Variants in PRKN observed in about 807,000 individuals in gnomAD.
PRKN encodes the protein parkin RBR E3 ubiquitin protein ligase, also known as E3 ubiquitin-protein ligase parkin.
A neutral mutation model predicts 59.5 loss-of-function variants in PRKN; 56 were observed. That is an observed-to-expected ratio of 0.94 (90% CI 0.76 to 1.18). The LOEUF (loss-of-function observed/expected upper bound fraction) is 1.18, where lower values mean the gene tolerates loss of function less well. Ranked by LOEUF, PRKN falls within the 50% of genes most tolerant of loss-of-function variation. The pLI is 0.00. For synonymous variants in PRKN, 250 were observed against 222.1 expected, an observed-to-expected ratio of 1.13 and a Z score of -1.12; for missense variants, 657 against 596.4, an observed-to-expected ratio of 1.10 and a Z score of -1.06.
At chr6:161,905,928 T>TAAAAA (rs750946937) in intron 6 of PRKN, among the ~76,000 whole-genome samples, 2 of 105,002 alleles carry the variant, frequency 1.9e-5, no homozygotes, top group African/African-American at 3.7e-5. Flanking sequence ...CCACTGCATC[T>TAAAAA]AAAAAAAAAA....
In PRKN at chr6:162,279,363, G is replaced by A. The variant is rs185477458; in HGVS notation, c.172-16598C>T. On this transcript the variant is annotated intron_variant, in intron 2 of 11. Transcript: ENST00000366898. ...AACAAAAAAAAGAAAGAAAGAAAGA[G>A]AGAGAGAGAGAAGGAGAGAGAGGGA... Among the ~76,000 whole-genome samples, 9 of 148,378 alleles carry A rather than the reference G, an allele frequency of 6.1e-5. 1 individual carries two copies. The highest frequency in any genetic ancestry group is 6.0e-4 in the East Asian group (3 of 5,024).
chr6:162,406,809 GA>G (rs1788097608), intron 2 of PRKN, among the ~76,000 whole-genome samples: 1 of 152,078 alleles, frequency 6.6e-6, no homozygotes, highest in African/African-American at 2.4e-5. Context: ...ACCACTTCCT[GA>G]TGGGAAGCTT....
chr6:162,563,547 C>T (rs544879679), intron 1 of PRKN, among the ~76,000 whole-genome samples: 1 of 152,092 alleles, frequency 6.6e-6, no homozygotes, highest in Non-Finnish European at 1.5e-5. Context: ...AGAAAGATGG[C>T]TACAAATAAG....
chr6:161,649,610 T>C (rs183062748), intron 7 of PRKN, among the ~76,000 whole-genome samples: 2 of 152,342 alleles, frequency 1.3e-5, no homozygotes, highest in African/African-American at 2.4e-5. Flanking sequence ...TAAGAGACTT[T>C]TGTGTTTTAT....
intron 2 of PRKN, among the ~76,000 whole-genome samples, chr6:162,442,747 C>T (rs1484280168): frequency 1.3e-5 from 2 of 152,130 alleles, no homozygotes; most frequent in Non-Finnish European, 2.9e-5. Context: ...TGTTGTTGTG[C>T]TCCAGGCTTC....
intron 5 of PRKN, among the ~76,000 whole-genome samples, chr6:161,980,634 G>A (rs913566741): frequency 6.6e-6 from 1 of 152,218 alleles, no homozygotes; most frequent in Admixed American, 6.5e-5. Context: ...GGGCTATCTG[G>A]TTGGGAGTCT....
At chr6:162,223,612 GACACACACACACACACACACACACACAC>G (rs34881644) in intron 3 of PRKN, among the ~76,000 whole-genome samples, 1 of 129,248 alleles carries the variant, frequency 7.7e-6, no homozygotes, top group Non-Finnish European at 1.6e-5. Flanking sequence ...ATAGACACGT[GACACACACACACACACACACACACACAC>G]ACACACACAC....
intron 7 of PRKN, among the ~76,000 whole-genome samples, chr6:161,570,039 C>T (rs1212250830): frequency 6.7e-6 from 1 of 149,064 alleles, no homozygotes; most frequent in East Asian, 2.0e-4. Context: ...GTGCCTATCA[C>T]TTTCTCGTTC....
At chr6:162,359,243 C>A (rs2128133400) in intron 2 of PRKN, among the ~76,000 whole-genome samples, 1 of 151,830 alleles carries the variant, frequency 6.6e-6, no homozygotes, top group East Asian at 1.9e-4. Context: ...TGGGAGGTGA[C>A]TGATTGAATA....
intron 7 of PRKN, among the ~76,000 whole-genome samples, chr6:161,706,559 G>A (rs1282847236): frequency 6.6e-6 from 1 of 151,956 alleles, no homozygotes; most frequent in Non-Finnish European, 1.5e-5. Context: ...GGAGAGAAAA[G>A]CAGCATTGGA....
chr6:161,472,027 C>G (rs186007765), intron 9 of PRKN, among the ~76,000 whole-genome samples: 6 of 151,776 alleles, frequency 4.0e-5, no homozygotes, highest in Admixed American at 3.9e-4. Context: ...TTTGAAAAAC[C>G]TAATCTAGTA....
At chr6:162,438,291 C>T (rs952956980) in intron 2 of PRKN, among the ~76,000 whole-genome samples, 2 of 152,110 alleles carry the variant, frequency 1.3e-5, no homozygotes, top group East Asian at 1.9e-4. Flanking sequence ...AATGCTATAA[C>T]TTTTGCTGCA....
At chr6:162,283,843 C>T (rs1254236328) in intron 2 of PRKN, among the ~76,000 whole-genome samples, 1 of 152,150 alleles carries the variant, frequency 6.6e-6, no homozygotes, top group African/African-American at 2.4e-5. Flanking sequence ...ATCCTGACCC[C>T]TGCTTGATGT....
At chr6:161,777,354 ATTTTAAGCCAG>A (rs1287269664) in intron 7 of PRKN, among the ~76,000 whole-genome samples, 1 of 152,150 alleles carries the variant, frequency 6.6e-6, no homozygotes, top group Non-Finnish European at 1.5e-5. Context: ...CCTGGATGGT[ATTTTAAGCCAG>A]TTTTAATTAT....
At chr6:161,692,529 T>C (rs1785839560) in intron 7 of PRKN, among the ~76,000 whole-genome samples, 1 of 152,196 alleles carries the variant, frequency 6.6e-6, no homozygotes, top group Non-Finnish European at 1.5e-5. Flanking sequence ...ATCTTTGTGA[T>C]GGGAAACTGT....
chr6:162,405,911 AAACT>A (rs1788042616), intron 2 of PRKN, among the ~76,000 whole-genome samples: 3 of 152,256 alleles, frequency 2.0e-5, no homozygotes, highest in Admixed American at 2.0e-4. Context: ...CGGCCCTAGC[AAACT>A]AACTCACCTG....
chr6:162,426,233 CAAA>C (rs1789232163), intron 2 of PRKN, among the ~76,000 whole-genome samples: 3 of 151,936 alleles, frequency 2.0e-5, no homozygotes, highest in African/African-American at 7.3e-5. Context: ...CAGGGAAAGA[CAAA>C]TAGACAAACA....
intron 7 of PRKN, among the ~76,000 whole-genome samples, chr6:161,757,029 A>G (rs900624937): frequency 2.6e-5 from 4 of 152,222 alleles, no homozygotes; most frequent in African/African-American, 9.6e-5. Flanking sequence ...TGAAAAAAAT[A>G]AATACCAATA....
Position 161,545,583 on chromosome 6 carries a change from G to C in PRKN, c.1083+3271C>G, listed in dbSNP as rs1185754840. On this transcript the variant is annotated intron_variant, in intron 9 of 11. Coordinates refer to ENST00000366898, the MANE Select transcript of PRKN (RefSeq NM_004562.3). The surrounding 1 kb of genome is among the most constrained non-coding windows in gnomAD (Gnocchi z 4.1). ...ACACTCCTTAAACCCAGAAAAGATG[G>C]GCAGCTTACAAGGTTATACAAACCA... 3 of 669,854 alleles carry C rather than the reference G, an allele frequency of 4.5e-6. No homozygotes were observed. Among genetic ancestry groups the C allele is most frequent in the South Asian group, 3.5e-5 (2 of 57,522 alleles). 41.5% of individuals were successfully genotyped at this position (669,854 alleles called of 1,614,324 possible).
Sources: gnomAD v4.1 joint callset for allele counts (sites outside exome capture counted in the v4.1 genomes callset) on GRCh38, gnomAD v4.1.1 for gene constraint, Gnocchi (gnomAD v3.1) non-coding constraint, MANE v1.5 for transcripts, NCBI Gene and HGNC (gene_info 2026-07-23, HGNC 2026-07-21) for gene names.